The following USP24 variants were observed in gnomAD, a reference collection of about 807,000 sequenced individuals.
USP24 encodes the protein ubiquitin specific peptidase 24.
Under a neutral mutation model 361.6 loss-of-function variants are expected in USP24, and 97 were observed. The observed-to-expected ratio is 0.27, with a 90% CI of 0.23 to 0.32. The LOEUF (loss-of-function observed/expected upper bound fraction) is 0.32. USP24 is among the 10% of genes least tolerant of loss of function. The probability of loss-of-function intolerance (pLI) is 1.00; values close to 1 mark genes in which losing one functional copy is unlikely to be tolerated. For synonymous variants in USP24, 1,098 were observed against 1,124.6 expected, an observed-to-expected ratio of 0.98 and a Z score of 0.47; for missense variants, 2,353 against 3,165.6, an observed-to-expected ratio of 0.74 and a Z score of 6.16.
intron 1 of USP24, among the ~76,000 whole-genome samples, chr1:55,180,456 G>A (rs1229037077): frequency 6.6e-6 from 1 of 152,140 alleles, no homozygotes; most frequent in South Asian, 2.1e-4. Flanking sequence ...GAAGGCCAGA[G>A]GAGGAGCCTT....
intron 1 of USP24, among the ~76,000 whole-genome samples, chr1:55,213,619 T>C (rs1644903742): frequency 6.6e-6 from 1 of 152,218 alleles, no homozygotes; most frequent in Admixed American, 6.5e-5. Flanking sequence ...TTTTCTGTGG[T>C]CAGGCCAAGC....
At chr1:55,073,356 C>G (rs1644958779) in intron 64 of USP24, among the ~76,000 whole-genome samples, 1 of 152,154 alleles carries the variant, frequency 6.6e-6, no homozygotes, top group Non-Finnish European at 1.5e-5. Flanking sequence ...GTACTAACCT[C>G]ATGAAGTTGT....
intron 45 of USP24, 83 bp downstream of exon 45, chr1:55,099,688 T>C: frequency 4.1e-6 from 4 of 979,208 alleles, no homozygotes; most frequent in East Asian, 5.2e-5. Context: ...GTCAGTTTCA[T>C]AGTAACCCCA....
intron 16 of USP24, among the ~76,000 whole-genome samples, chr1:55,151,303 T>C (rs957277774): frequency 3.3e-5 from 5 of 152,220 alleles, no homozygotes; most frequent in African/African-American, 1.2e-4. Flanking sequence ...AAATTTTTGC[T>C]TGGGAGGACA....
chr1:55,127,058 C>A (rs1298135229), intron 32 of USP24, among the ~76,000 whole-genome samples: 1 of 151,962 alleles, frequency 6.6e-6, no homozygotes, highest in African/African-American at 2.4e-5. Context: ...GCCAACTTCC[C>A]CCTCAGTTTT....
chr1:55,075,455 G>A lies in USP24; in HGVS notation c.7447+2C>T. 2 of 1,599,290 alleles carry A rather than the reference G, an allele frequency of 1.3e-6. No individual in the cohort carries two copies. Among genetic ancestry groups the A allele is most frequent in the Non-Finnish European group, 1.7e-6 (2 of 1,172,614 alleles). On this transcript the variant is annotated splice_donor_variant, in intron 63 of 67. Transcript: ENST00000294383. LOFTEE classifies it low-confidence loss of function (GC_TO_GT_DONOR). ...TTTGTGCATAAGACCAGGCATACTT[G>A]CCTAGTAATCCATTTTCTGTCTCAA...
At chr1:55,096,686 T>A in intron 49 of USP24, 64 bp from the exon 50 acceptor site, 1 of 1,551,900 alleles carries the variant, frequency 6.4e-7, no homozygotes, top group Non-Finnish European at 8.7e-7. Context: ...ATCCTTAGCA[T>A]TGATCTCAAT....
In USP24 at chr1:55,138,737, C is replaced by G; in HGVS notation, c.2818-19G>C. 2 of 1,559,434 alleles carry G rather than the reference C, an allele frequency of 1.3e-6. No homozygotes were observed. The highest frequency in any genetic ancestry group is 2.3e-5 in the East Asian group (1 of 44,420). ...AAAAATCCTTAAAAAACGAATAAGT[C>G]AAGTCAGATGGACAGCACCACTGAT... On this transcript the variant is annotated intron_variant, in intron 25 of 67. Transcript: ENST00000294383.
In USP24 at chr1:55,159,701, G is replaced by C; in HGVS notation, c.994-16C>G. The C allele has an allele frequency of 6.4e-7, 1 of 1,550,550 alleles. No homozygotes were observed. ...CTAGCATGGGCTGTAGAAATAAAAT[G>C]CTACAGTTAAGAACTCCCGAAGCTG... is the stretch of plus-strand genomic sequence containing the variant. On this transcript the variant is annotated splice_polypyrimidine_tract_variant and intron_variant, in intron 8 of 67. Coordinates refer to ENST00000294383, the MANE Select transcript of USP24 (RefSeq NM_015306.3).
Position 55,075,445 on chromosome 1 carries a change from A to G in USP24, c.7447+12T>C. The G allele has an allele frequency of 1.3e-6, 2 of 1,595,166 alleles. No individual in the cohort carries two copies. Among genetic ancestry groups the G allele is most frequent in the Admixed American group, 3.5e-5 (2 of 57,280 alleles). On this transcript the variant is annotated intron_variant, in intron 63 of 67. Coordinates refer to ENST00000294383, the MANE Select transcript of USP24 (RefSeq NM_015306.3). ...ACTATAGACATTTGTGCATAAGACC[A>G]GGCATACTTGCCTAGTAATCCATTT...
chr1:55,117,711 C>A (rs1202745741), intron 38 of USP24, among the ~76,000 whole-genome samples: 2 of 140,964 alleles, frequency 1.4e-5, no homozygotes, highest in Non-Finnish European at 3.0e-5. Context: ...AGTCCGCAGT[C>A]CGGCCTGGGC....
intron 20 of USP24, among the ~76,000 whole-genome samples, chr1:55,145,264 AT>A (rs1646998107): frequency 6.6e-6 from 1 of 152,236 alleles, no homozygotes; most frequent in South Asian, 2.1e-4. Context: ...CAAAATGTCC[AT>A]TAGTTCAAGA....
At chr1:55,160,474 T>C (rs1327007064) in intron 8 of USP24, among the ~76,000 whole-genome samples, 1 of 152,230 alleles carries the variant, frequency 6.6e-6, no homozygotes, top group Non-Finnish European at 1.5e-5. Context: ...ATTACTATTA[T>C]GGCCATTCCA....
rs575778616 is a variant in USP24 at position 55,127,428 on chromosome 1, T to C, written c.3636-1670A>G. ...TTTTTTATGGCTGCAGAGTATTCCA[T>C]GGTGTATATGTGCCACATTTTCTTA... is the stretch of plus-strand genomic sequence containing the variant. On this transcript the variant is annotated intron_variant, in intron 32 of 67. Coordinates refer to ENST00000294383, the MANE Select transcript of USP24 (RefSeq NM_015306.3). Among the ~76,000 whole-genome samples the C allele has an allele frequency of 2.0e-5, 3 of 152,332 alleles. No homozygotes were observed. In the East Asian group the frequency reaches 5.8e-4, roughly 29 times the overall value.
intron 9 of USP24, 136 bp downstream of exon 9, chr1:55,159,475 G>T: frequency 1.4e-6 from 1 of 724,144 alleles, no homozygotes; most frequent in Non-Finnish European, 2.2e-6. Flanking sequence ...TTTTAATTAG[G>T]AAATGTAAAG....
chr1:55,167,272 C>T (rs1209420386), intron 5 of USP24, among the ~76,000 whole-genome samples: 1 of 152,148 alleles, frequency 6.6e-6, no homozygotes, highest in Non-Finnish European at 1.5e-5. Flanking sequence ...TGAAAGACTT[C>T]TCTGAAAACA....
chr1:55,076,806 A>G (rs2100408218), intron 62 of USP24, among the ~76,000 whole-genome samples: 1 of 152,196 alleles, frequency 6.6e-6, no homozygotes, highest in South Asian at 2.1e-4. Context: ...TCTTAAAAAT[A>G]TTTTTCATAG....
chr1:55,137,421 A>G (rs1646768846), intron 28 of USP24, 94 bp downstream of exon 28: 4 of 1,388,068 alleles, frequency 2.9e-6, no homozygotes. Flanking sequence ...ACACTAATGA[A>G]TCCCAGCATT....
chr1:55,106,414 T>C (rs887690105), intron 40 of USP24, among the ~76,000 whole-genome samples, 151 bp from the exon 41 acceptor site: 4 of 152,208 alleles, frequency 2.6e-5, no homozygotes, highest in Non-Finnish European at 5.9e-5. Context: ...TTTGGAGGAC[T>C]TACTACATGG....
Sources: gnomAD v4.1 joint callset for allele counts (sites outside exome capture counted in the v4.1 genomes callset) on GRCh38, gnomAD v4.1.1 for gene constraint, MANE v1.5 for transcripts, NCBI Gene and HGNC (gene_info 2026-07-23, HGNC 2026-07-21) for gene names.